ALPK2: variants seen among roughly 807,000 people sequenced by gnomAD.
ALPK2 encodes the protein alpha kinase 2.
ALPK2 carries 127 observed loss-of-function variants against 163.1 expected under a neutral mutation model. That is an observed-to-expected ratio of 0.78 (90% CI 0.67 to 0.90). The LOEUF (loss-of-function observed/expected upper bound fraction) is 0.90. Ranked by LOEUF, ALPK2 falls within the 40% of genes least tolerant of loss-of-function variation. ALPK2 has a pLI of 0.00. For missense variants in ALPK2, 2,360 were observed against 2,589.6 expected (o/e 0.91, Z 1.92); for synonymous variants, 953 against 959.1 (o/e 0.99, Z 0.12).
chr18:58,506,822 C>G (rs1198885075), intron 10 of ALPK2, among the ~76,000 whole-genome samples: 1 of 152,184 alleles, frequency 6.6e-6, no homozygotes, highest in Non-Finnish European at 1.5e-5. Flanking sequence ...GGGGGCCGTC[C>G]TGTGCACGTA....
rs750396924 is a variant in ALPK2 at position 58,523,943 on chromosome 18, G to C, written c.5621C>G (p.Thr1874Arg). The change falls in exon 7 of 13, where the codon ACA becomes AGA. Residue 1874 changes from threonine to arginine, a missense_variant. Physicochemically the swap from Thr to Arg is moderately conservative, Grantham distance 71. Transcript: ENST00000361673. ...TGAAAACTGTGGTTTACCTTCAGCT[G>C]TGAGGTTAAATTCAGCAGTCACTTT... The part of the protein sequence containing the change: ...YGKVTAEFNL[T>R]AEVLKQLSSR... 3 of 1,614,194 alleles carry C rather than the reference G, an allele frequency of 1.9e-6. No homozygotes were observed. Among genetic ancestry groups the C allele is most frequent in the Non-Finnish European group, 2.5e-6 (3 of 1,180,024 alleles).
intron 1 of ALPK2, among the ~76,000 whole-genome samples, chr18:58,612,891 G>A (rs539846874): frequency 2.6e-4 from 40 of 152,220 alleles, no homozygotes; most frequent in African/African-American, 7.5e-4. Flanking sequence ...CACAGAGCTC[G>A]GACAAAGAAA....
At chr18:58,530,958 T>C (rs1469348433) in intron 5 of ALPK2, among the ~76,000 whole-genome samples, 2 of 152,106 alleles carry the variant, frequency 1.3e-5, no homozygotes, top group Non-Finnish European at 2.9e-5. Flanking sequence ...CCCAGCACTT[T>C]TGGAGGCCGA....
intron 12 of ALPK2, 25 bp downstream of exon 12, chr18:58,498,024 G>C (rs888516884): frequency 6.2e-7 from 1 of 1,611,746 alleles, no homozygotes. Flanking sequence ...GTTAATTGAT[G>C]CACACTCCAT....
intron 1 of ALPK2, among the ~76,000 whole-genome samples, chr18:58,614,738 A>G (rs1275963002): frequency 6.6e-6 from 1 of 152,130 alleles, no homozygotes; most frequent in Non-Finnish European, 1.5e-5. Context: ...TACAGCCTTA[A>G]TGAGATATAA....
chr18:58,536,102 T>G lies in ALPK2; in HGVS notation c.4085A>C (p.Glu1362Ala). ...SVTDSLSAAS[E>A]TGGKENVNNV... ...GTTAACATTTTCCTTCCCTCCAGTT[T>G]CAGAAGCCGCTGACAGTGAATCTGT... The change falls in exon 5 of 13, where the codon GAA (glutamate) becomes GCA (alanine). Residue 1362 changes from glutamate (E) to alanine (A), a missense_variant. Transcript: ENST00000361673. The G allele has an allele frequency of 6.2e-7, 1 of 1,614,172 alleles. No homozygotes were observed. Among genetic ancestry groups the G allele is most frequent in the Non-Finnish European group, 8.5e-7 (1 of 1,180,034 alleles).
At chr18:58,486,779 C>T (rs1400543694) in intron 12 of ALPK2, among the ~76,000 whole-genome samples, 2 of 152,224 alleles carry the variant, frequency 1.3e-5, no homozygotes, top group African/African-American at 2.4e-5. Flanking sequence ...GACCCGTTCT[C>T]ACAAACTGAC....
At chr18:58,601,586 A>G (rs918754425) in intron 3 of ALPK2, among the ~76,000 whole-genome samples, 3 of 152,194 alleles carry the variant, frequency 2.0e-5, no homozygotes, top group Non-Finnish European at 2.9e-5. Flanking sequence ...TGCTGCCCTT[A>G]GACTGCCCTG....
intron 6 of ALPK2, among the ~76,000 whole-genome samples, chr18:58,526,445 C>T (rs1175771110): frequency 6.6e-6 from 1 of 152,226 alleles, no homozygotes; most frequent in East Asian, 1.9e-4. Context: ...CAGCCAGCTC[C>T]TCATCCACTG....
intron 3 of ALPK2, among the ~76,000 whole-genome samples, chr18:58,602,113 A>G (rs751256046): frequency 6.6e-5 from 10 of 152,134 alleles, no homozygotes; most frequent in Non-Finnish European, 1.3e-4. Context: ...TGAATAATCA[A>G]TCGTGAATTT....
chr18:58,492,272 A>G (rs1469136303), intron 12 of ALPK2, among the ~76,000 whole-genome samples: 2 of 151,986 alleles, frequency 1.3e-5, no homozygotes, highest in African/African-American at 4.8e-5. Flanking sequence ...AGACACGCAC[A>G]CAGACATATA....
At chr18:58,504,237 G>A (rs535942059) in intron 10 of ALPK2, 89 bp from the exon 11 acceptor site, 14 of 1,127,380 alleles carry the variant, frequency 1.2e-5, no homozygotes, top group Admixed American at 8.6e-5. Flanking sequence ...GGAGCAGCAC[G>A]GAGCATAGAA....
intron 10 of ALPK2, among the ~76,000 whole-genome samples, chr18:58,505,638 G>A (rs35180563): frequency 0.22 from 33,972 of 151,862 alleles, 4,306 homozygotes; most frequent in South Asian, 0.41. Flanking sequence ...ACAGCATGGC[G>A]ACCCCACAGC....
Position 58,611,713 on chromosome 18 carries a change from C to T in ALPK2, c.85G>A (p.Ala29Thr), listed in dbSNP as rs1246413540. 5.0e-6 allele frequency: 8 copies of T among 1,612,860 alleles called. No homozygotes were observed. Among genetic ancestry groups the T allele is most frequent in the South Asian group, 3.3e-5 (3 of 90,882 alleles). Residue 29 changes from alanine to threonine, a missense_variant, in exon 2 of 13, where the codon GCT becomes ACT. Physicochemically the swap from Ala to Thr is moderately conservative, Grantham distance 58. Coordinates refer to ENST00000361673, the MANE Select transcript of ALPK2 (RefSeq NM_052947.4). ...LSQKVPEKSD[A>T]VLRCIISGQP... Reference sequence around the variant, plus strand: ...CCAGATATTATGCAGCGAAGCACAGCGTCTGACTTCTCAGGAACCTTCTGG... The same window carrying T: ...CCAGATATTATGCAGCGAAGCACAGTGTCTGACTTCTCAGGAACCTTCTGG...
chr18:58,574,198 C>T (rs765268529), intron 4 of ALPK2, among the ~76,000 whole-genome samples: 1 of 151,744 alleles, frequency 6.6e-6, no homozygotes, highest in African/African-American at 2.4e-5. Context: ...AATCCCAGCA[C>T]GTTGGGAGGC....
intron 1 of ALPK2, among the ~76,000 whole-genome samples, chr18:58,614,966 A>G (rs2052157605): frequency 6.7e-6 from 1 of 148,402 alleles, no homozygotes; most frequent in Admixed American, 6.7e-5. Context: ...GTCTGTATGT[A>G]TTTGTCTATT....
In ALPK2 at chr18:58,537,344, G is replaced by C; in HGVS notation, c.2843C>G (p.Ser948Cys). Residue 948 changes from serine (S) to cysteine (C), a missense_variant, in exon 5 of 13, where the codon TCT becomes TGT. Transcript: ENST00000361673. ...GGLDETQLLS[S>C]ENNPLVQFKE... ...AAATTGCACTAAAGGATTGTTCTCA[G>C]AAGAAAGGAGCTGTGTTTCATCAAG... The C allele has an allele frequency of 1.2e-6, 2 of 1,614,084 alleles. No individual in the cohort carries two copies. The highest frequency in any genetic ancestry group is 1.7e-6 in the Non-Finnish European group (2 of 1,179,966).
intron 4 of ALPK2, 74 bp downstream of exon 4, chr18:58,578,740 A>ACACGCGCGCACGTGCGCGCGCG: frequency 1.8e-6 from 2 of 1,118,832 alleles, no homozygotes; most frequent in South Asian, 3.2e-5. Flanking sequence ...AGAGACACAC[A>ACACGCGCGCACGTGCGCGCGCG]CACACACACA....
In ALPK2 at chr18:58,623,933, A is replaced by G. The variant is rs907173088; in HGVS notation, c.-21+4831T>C. Among the ~76,000 whole-genome samples the G allele has an allele frequency of 2.0e-5, 3 of 152,200 alleles. No individual in the cohort carries two copies. In the South Asian group the frequency reaches 6.2e-4, roughly 31 times the overall value. On this transcript the variant is annotated intron_variant, in intron 1 of 12. Coordinates refer to ENST00000361673, the MANE Select transcript of ALPK2 (RefSeq NM_052947.4). Reference sequence around the variant, plus strand: ...AAAGTATAAATGCTCCCCATGGCTAACTTTATAACTAAGGGAAGAAGTGGT... The same window carrying G: ...AAAGTATAAATGCTCCCCATGGCTAGCTTTATAACTAAGGGAAGAAGTGGT...
Sources: gnomAD v4.1 joint callset for allele counts (sites outside exome capture counted in the v4.1 genomes callset) on GRCh38, gnomAD v4.1.1 for gene constraint, MANE v1.5 for transcripts, NCBI Gene and HGNC (gene_info 2026-07-23, HGNC 2026-07-21) for gene names.